PLPPR1: variants seen among roughly 807,000 people sequenced by gnomAD.
PLPPR1 encodes phospholipid phosphatase related 1.
In PLPPR1, 10 loss-of-function variants were observed where a neutral mutation model predicts 33.1. That is an observed-to-expected ratio of 0.30 (90% confidence interval 0.19 to 0.51). The LOEUF is 0.51. PLPPR1 is among the 20% of genes least tolerant of loss of function. The pLI is 0.97. For synonymous variants in PLPPR1, 151 were observed against 151.0 expected, an observed-to-expected ratio of 1.00 and a Z score of 0.00; for missense variants, 304 against 408.1, an observed-to-expected ratio of 0.74 and a Z score of 2.20.
intron 2 of PLPPR1, among the ~76,000 whole-genome samples, chr9:101,226,941 C>T (rs572847853): frequency 6.6e-6 from 1 of 152,216 alleles, no homozygotes; most frequent in Admixed American, 6.5e-5. Context: ...GGCAGATCTT[C>T]TGTGAGGTAG....
intron 2 of PLPPR1, among the ~76,000 whole-genome samples, chr9:101,199,034 G>A (rs766803378): frequency 5.9e-5 from 9 of 152,166 alleles, no homozygotes; most frequent in Non-Finnish European, 8.8e-5. Flanking sequence ...TGAGAACCTG[G>A]AGCCATGGAA....
intron 1 of PLPPR1, among the ~76,000 whole-genome samples, chr9:101,157,365 A>G (rs767481198): frequency 6.6e-6 from 1 of 152,202 alleles, no homozygotes; most frequent in East Asian, 1.9e-4. Flanking sequence ...AAAATCTATG[A>G]GTTTAGTCTT....
At chr9:101,160,986 C>G (rs1277100001) in intron 1 of PLPPR1, among the ~76,000 whole-genome samples, 1 of 152,168 alleles carries the variant, frequency 6.6e-6, no homozygotes, top group Non-Finnish European at 1.5e-5. Context: ...CTCTCAGTTT[C>G]CTTCAAGATC....
At chr9:101,055,090 AC>A (rs1297642608) in intron 1 of PLPPR1, among the ~76,000 whole-genome samples, 1 of 152,186 alleles carries the variant, frequency 6.6e-6, no homozygotes, top group African/African-American at 2.4e-5. Context: ...TTCAACTAGA[AC>A]CAATGATTAT....
intron 1 of PLPPR1, among the ~76,000 whole-genome samples, chr9:101,045,909 AT>A (rs1830137637): frequency 6.6e-6 from 1 of 152,218 alleles, no homozygotes; most frequent in Non-Finnish European, 1.5e-5. Context: ...TTCTCAATAA[AT>A]ATCAGTTATC....
chr9:101,289,870 C>T (rs1828462274), intron 4 of PLPPR1, among the ~76,000 whole-genome samples: 1 of 152,184 alleles, frequency 6.6e-6, no homozygotes, highest in Admixed American at 6.5e-5. Context: ...ATGGATTTGC[C>T]TAAAACTAGT....
chr9:101,079,420 T>G (rs1588019320), intron 1 of PLPPR1, among the ~76,000 whole-genome samples: 1 of 152,182 alleles, frequency 6.6e-6, no homozygotes, highest in Admixed American at 6.5e-5. Context: ...GTTTTGTTGT[T>G]GTTGTTGTGT....
intron 2 of PLPPR1, among the ~76,000 whole-genome samples, chr9:101,198,733 T>C (rs550570151): frequency 6.6e-6 from 1 of 152,146 alleles, no homozygotes; most frequent in South Asian, 2.1e-4. Flanking sequence ...AGTGAAGGCA[T>C]AGGCTCATGG....
intron 1 of PLPPR1, among the ~76,000 whole-genome samples, chr9:101,080,144 C>T (rs75161598): frequency 0.042 from 6,320 of 151,920 alleles, 232 homozygotes; most frequent in African/African-American, 0.093. Context: ...TCTGATGATT[C>T]GATTTTTGAA....
At chr9:101,100,567 T>C (rs1432664517) in intron 1 of PLPPR1, among the ~76,000 whole-genome samples, 1 of 152,062 alleles carries the variant, frequency 6.6e-6, no homozygotes, top group Admixed American at 6.6e-5. Context: ...ATAATATAAT[T>C]ATTACGGAAA....
intron 3 of PLPPR1, among the ~76,000 whole-genome samples, chr9:101,272,141 A>G (rs1440446820): frequency 6.6e-6 from 1 of 152,218 alleles, no homozygotes; most frequent in East Asian, 1.9e-4. Context: ...AACTCTATGA[A>G]GATATTTACT....
At chr9:101,138,517 G>A (rs1029119563) in intron 1 of PLPPR1, among the ~76,000 whole-genome samples, 6 of 152,136 alleles carry the variant, frequency 3.9e-5, no homozygotes, top group African/African-American at 1.4e-4. Flanking sequence ...AGAGATGCAG[G>A]ATAGATAGGA....
At chr9:101,300,251 G>A (rs1828727811) in intron 4 of PLPPR1, among the ~76,000 whole-genome samples, 2 of 151,982 alleles carry the variant, frequency 1.3e-5, no homozygotes, top group African/African-American at 4.8e-5. Flanking sequence ...ACAGCTCACT[G>A]CAGCCTTGAC....
chr9:101,316,180 T>C (rs1829047054), intron 6 of PLPPR1, among the ~76,000 whole-genome samples: 1 of 151,912 alleles, frequency 6.6e-6, no homozygotes, highest in African/African-American at 2.4e-5. Flanking sequence ...CTCACGCCTG[T>C]AATTCCAGCA....
chr9:101,237,896 C>A (rs1219539282), intron 2 of PLPPR1, among the ~76,000 whole-genome samples: 2 of 131,848 alleles, frequency 1.5e-5, no homozygotes, highest in East Asian at 4.7e-4. Context: ...ACACACATTT[C>A]TCTGATTTAA....
chr9:101,321,289 C>A (rs1430714260), intron 7 of PLPPR1, among the ~76,000 whole-genome samples: 1 of 152,172 alleles, frequency 6.6e-6, no homozygotes, highest in East Asian at 1.9e-4. Context: ...CCAAGACATT[C>A]TTTCCCCTTT....
At chr9:101,239,060 AGTGT>A (rs60620773) in intron 2 of PLPPR1, among the ~76,000 whole-genome samples, 9,890 of 147,082 alleles carry the variant, frequency 0.067, 409 homozygotes, top group Middle Eastern at 0.13. Flanking sequence ...AATTTCATTG[AGTGT>A]GTGTGTGTGT....
intron 2 of PLPPR1, among the ~76,000 whole-genome samples, chr9:101,204,149 AC>A (rs1256531374): frequency 6.6e-6 from 1 of 152,152 alleles, no homozygotes; most frequent in African/African-American, 2.4e-5. Context: ...TGGTCTCATA[AC>A]CCAATATAAA....
chr9:101,299,389 G>A (rs973900185), intron 4 of PLPPR1, among the ~76,000 whole-genome samples: 2 of 152,196 alleles, frequency 1.3e-5, no homozygotes, highest in African/African-American at 4.8e-5. Context: ...CTGGTACCAT[G>A]ACTGGCCTAG....
Sources: allele counts gnomAD v4.1 joint callset (sites outside exome capture counted in the v4.1 genomes callset), GRCh38; gene constraint gnomAD v4.1.1; transcripts MANE v1.5; gene names NCBI Gene and HGNC (gene_info 2026-07-23, HGNC 2026-07-21).